Variants in GABRA3 observed in about 807,000 individuals in gnomAD.
GABRA3 encodes gamma-aminobutyric acid receptor subunit alpha-3.
GABRA3 carries 10 observed loss-of-function variants against 30.1 expected under a neutral mutation model. The observed-to-expected ratio is 0.33, with a 90% CI of 0.20 to 0.56. The LOEUF (loss-of-function observed/expected upper bound fraction) is 0.56, where lower values mean the gene tolerates loss of function less well. GABRA3 is among the 20% of genes least tolerant of loss of function. The pLI, the probability that GABRA3 is intolerant of heterozygous loss-of-function variation, is 0.89. For synonymous variants in GABRA3, 151 were observed against 146.8 expected (o/e 1.03, Z -0.21); for missense variants, 233 against 392.0 (o/e 0.59, Z 3.42).
intron 2 of GABRA3, among the ~76,000 whole-genome samples, chrX:152,351,565 G>T (rs1940479182): frequency 8.9e-6 from 1 of 111,936 alleles, no homozygotes; most frequent in Admixed American, 9.5e-5. Flanking sequence ...GTTGTGTCTG[G>T]CTTGATCTTC....
chrX:152,386,000 G>A (rs1929297557), intron 1 of GABRA3, among the ~76,000 whole-genome samples: 1 of 110,164 alleles, frequency 9.1e-6, no homozygotes, highest in Non-Finnish European at 1.9e-5. Flanking sequence ...CTGTAGCCTT[G>A]TAGTACAGTT....
intron 1 of GABRA3, among the ~76,000 whole-genome samples, chrX:152,382,374 T>C (rs1164094455): frequency 5.3e-5 from 6 of 112,251 alleles, no homozygotes; most frequent in African/African-American, 1.9e-4. Context: ...AGTGTGGCGA[T>C]TCCTGAAGGA....
chrX:152,296,427 G>A (rs1468947236), intron 3 of GABRA3, among the ~76,000 whole-genome samples: 1 of 111,761 alleles, frequency 8.9e-6, no homozygotes, highest in Non-Finnish European at 1.9e-5. Context: ...CCTTGCAGTA[G>A]CATTAATCAT....
At chrX:152,421,112 C>T in intron 1 of GABRA3, among the ~76,000 whole-genome samples, 1 of 106,926 alleles carries the variant, frequency 9.4e-6, no homozygotes, top group Non-Finnish European at 2.0e-5. Flanking sequence ...CACACACACA[C>T]ACACACACAC....
At chrX:152,287,391 C>A (rs991038189) in intron 3 of GABRA3, among the ~76,000 whole-genome samples, 2 of 110,303 alleles carry the variant, frequency 1.8e-5, no homozygotes, top group East Asian at 5.8e-4. Flanking sequence ...ATCATGGGGG[C>A]GGTTTTCCCC....
chrX:152,362,440 C>A (rs917665300), intron 2 of GABRA3, among the ~76,000 whole-genome samples: 2 of 111,164 alleles, frequency 1.8e-5, no homozygotes, highest in African/African-American at 6.5e-5. Flanking sequence ...ATAAGGCTAG[C>A]AAGGTGGGTA....
intron 1 of GABRA3, among the ~76,000 whole-genome samples, chrX:152,431,703 G>T (rs1231837884): frequency 8.9e-6 from 1 of 111,779 alleles, no homozygotes; most frequent in Non-Finnish European, 1.9e-5. Flanking sequence ...CTTAAAAGTG[G>T]AAGTGGGAGG....
intron 1 of GABRA3, among the ~76,000 whole-genome samples, chrX:152,425,149 T>C (rs1256588404): frequency 3.7e-5 from 4 of 106,774 alleles, no homozygotes; most frequent in African/African-American, 1.4e-4. Context: ...GTTGCCTAGG[T>C]TGGTATCAAA....
At chrX:152,262,143 C>T (rs1172217692) in intron 4 of GABRA3, among the ~76,000 whole-genome samples, 1 of 112,266 alleles carries the variant, frequency 8.9e-6, no homozygotes, top group African/African-American at 3.2e-5. Context: ...GGCACTGTCC[C>T]CAGGCTGCAT....
intron 2 of GABRA3, among the ~76,000 whole-genome samples, chrX:152,354,466 T>C (rs1322138356): frequency 1.8e-5 from 2 of 111,792 alleles, no homozygotes; most frequent in South Asian, 3.7e-4. Context: ...CTCAAAAAAA[T>C]GGCTTAATTA....
At chrX:152,249,010 A>G (rs749742033) in intron 5 of GABRA3, among the ~76,000 whole-genome samples, 28 of 111,630 alleles carry the variant, frequency 2.5e-4, no homozygotes, top group African/African-American at 9.1e-4. Context: ...CAGGATAAAC[A>G]TATTCTGTAT....
chrX:152,273,009 G>C (rs960512170), intron 4 of GABRA3, among the ~76,000 whole-genome samples: 1 of 111,573 alleles, frequency 9.0e-6, no homozygotes, highest in Admixed American at 9.6e-5. Context: ...CTTTATAGCA[G>C]CAGGAGAATG....
At chrX:152,202,306 AT>A (rs1937493880) in intron 7 of GABRA3, among the ~76,000 whole-genome samples, 1 of 111,839 alleles carries the variant, frequency 8.9e-6, no homozygotes, top group Non-Finnish European at 1.9e-5. Flanking sequence ...AATGCCCATA[AT>A]TTATGGTCAC....
At chrX:152,240,142 C>T (rs1261519839) in intron 5 of GABRA3, among the ~76,000 whole-genome samples, 1 of 103,285 alleles carries the variant, frequency 9.7e-6, no homozygotes, top group Non-Finnish European at 1.9e-5. Flanking sequence ...CCGGTTGTTC[C>T]TTTCCATGTT....
intron 4 of GABRA3, among the ~76,000 whole-genome samples, chrX:152,279,595 C>CT (rs1266397912): frequency 9.0e-6 from 1 of 110,581 alleles, no homozygotes; most frequent in East Asian, 2.9e-4. Context: ...GCAATGCGGG[C>CT]TTTTTTTTGG....
chrX:152,450,395 G>T (rs889534811), intron 1 of GABRA3, among the ~76,000 whole-genome samples: 2 of 105,200 alleles, frequency 1.9e-5, no homozygotes, highest in Admixed American at 1.1e-4. Flanking sequence ...ATGGGGTGGG[G>T]TATCTCAATC....
chrX:152,256,103 A>AG, intron 4 of GABRA3, 105 bp from the exon 5 acceptor site: 1 of 553,949 alleles, frequency 1.8e-6, no homozygotes, highest in Non-Finnish European at 3.0e-6. Flanking sequence ...TCTGATGCAG[A>AG]GAAGCAGCAG....
At chrX:152,278,531 C>A (rs1318193964) in intron 4 of GABRA3, among the ~76,000 whole-genome samples, 2 of 111,557 alleles carry the variant, frequency 1.8e-5, no homozygotes, top group African/African-American at 3.3e-5. Flanking sequence ...TGGCTTGGTT[C>A]CAAGTCTTCG....
At chrX:152,361,051 A>G (rs934821635) in intron 2 of GABRA3, among the ~76,000 whole-genome samples, 2 of 105,266 alleles carry the variant, frequency 1.9e-5, no homozygotes, top group Non-Finnish European at 3.9e-5. Flanking sequence ...TGATCACATC[A>G]CTGCATTCCA....
Sources: gnomAD v4.1 joint callset for allele counts (sites outside exome capture counted in the v4.1 genomes callset) on GRCh38, gnomAD v4.1.1 for gene constraint, MANE v1.5 for transcripts, NCBI Gene and HGNC (gene_info 2026-07-23, HGNC 2026-07-21) for gene names.